Variants in PPFIA1 observed in about 807,000 individuals in gnomAD.
The protein encoded by PPFIA1 is PPFI scaffold protein A1.
PPFIA1 carries 25 observed loss-of-function variants against 149.9 expected under a neutral mutation model. The ratio of observed to expected loss-of-function variants is 0.17; its 90% confidence interval spans 0.12 to 0.23. PPFIA1 has a LOEUF of 0.23. PPFIA1 is among the 10% of genes least tolerant of loss of function. The pLI is 1.00. For missense variants in PPFIA1, 1,362 were observed against 1,506.5 expected (o/e 0.90, Z 1.59); for synonymous variants, 549 against 552.8 (o/e 0.99, Z 0.10).
At chr11:70,338,672 T>G (rs1169843311) in intron 13 of PPFIA1, among the ~76,000 whole-genome samples, 3 of 152,330 alleles carry the variant, frequency 2.0e-5, no homozygotes, top group Admixed American at 2.0e-4. Context: ...TTTTGATCAG[T>G]TAATATTTGG....
chr11:70,292,677 C>T lies in PPFIA1; in HGVS notation c.264+20241C>T, dbSNP rs142738383. Among the ~76,000 whole-genome samples, 325 of 152,190 alleles carry T rather than the reference C, an allele frequency of 2.1e-3. 4 individuals are homozygous for T. The highest frequency in any genetic ancestry group is 7.6e-3 in the African/African-American group (315 of 41,536). ...TAAGCCTCTTTATAGGAATGAGCCCCCACTGAAGCCTCGTGACAGTGCTAT... is the reference window on the plus strand; with the variant it reads ...TAAGCCTCTTTATAGGAATGAGCCCTCACTGAAGCCTCGTGACAGTGCTAT... On this transcript the variant is annotated intron_variant, in intron 2 of 27. Coordinates refer to ENST00000253925, the MANE Select transcript of PPFIA1 (RefSeq NM_003626.5).
At chr11:70,274,353 C>G (rs1167239249) in intron 2 of PPFIA1, among the ~76,000 whole-genome samples, 1 of 152,114 alleles carries the variant, frequency 6.6e-6, no homozygotes, top group East Asian at 1.9e-4. Flanking sequence ...ACAAAGTTAA[C>G]ACACTTGCAT....
intron 8 of PPFIA1, 90 bp from the exon 9 acceptor site, chr11:70,331,870 C>G: frequency 7.1e-7 from 1 of 1,399,912 alleles, no homozygotes; most frequent in South Asian, 1.4e-5. Context: ...CTCTCTTAGT[C>G]TGTATCTGCA....
At chr11:70,283,876 G>C (rs2050927909) in intron 2 of PPFIA1, 1 of 466,940 alleles carries the variant, frequency 2.1e-6, no homozygotes, top group African/African-American at 2.0e-5. Context: ...TAAACATTCT[G>C]CAGTGGAGCC....
chr11:70,287,678 C>CT (rs2051239090), intron 2 of PPFIA1, among the ~76,000 whole-genome samples: 2 of 151,328 alleles, frequency 1.3e-5, no homozygotes, highest in Admixed American at 6.6e-5. Context: ...GGGTTTCACT[C>CT]TGTTTCCTAG....
intron 2 of PPFIA1, among the ~76,000 whole-genome samples, chr11:70,295,736 C>A (rs2051929282): frequency 6.7e-6 from 1 of 149,956 alleles, no homozygotes; most frequent in African/African-American, 2.5e-5. Flanking sequence ...GGGCAGGGGG[C>A]TGACCCCCCC....
intron 2 of PPFIA1, among the ~76,000 whole-genome samples, chr11:70,276,912 G>T (rs1448394501): frequency 6.7e-6 from 1 of 149,284 alleles, no homozygotes; most frequent in African/African-American, 2.5e-5. Flanking sequence ...CTTGTTGGGG[G>T]TTTGTCAATT....
chr11:70,281,157 C>T lies in PPFIA1; in HGVS notation c.264+8721C>T, dbSNP rs142169360. On this transcript the variant is annotated intron_variant, in intron 2 of 27. Coordinates refer to ENST00000253925, the MANE Select transcript of PPFIA1 (RefSeq NM_003626.5). ...TTTCTCTAGGTTCATTTGTTGATAACGCCCATTTTTGTTTTTTTAATTGAG... is the reference window on the plus strand; with the variant it reads ...TTTCTCTAGGTTCATTTGTTGATAATGCCCATTTTTGTTTTTTTAATTGAG... Among the ~76,000 whole-genome samples the T allele has an allele frequency of 3.9e-5, 6 of 152,118 alleles. No individual in the cohort carries two copies. In the East Asian group the frequency reaches 9.6e-4, roughly 24 times the overall value.
At chr11:70,291,458 C>A (rs1472587211) in intron 2 of PPFIA1, among the ~76,000 whole-genome samples, 2 of 152,158 alleles carry the variant, frequency 1.3e-5, no homozygotes, top group African/African-American at 4.8e-5. Flanking sequence ...TAAAGAAATT[C>A]CAAGTAAAAT....
Position 70,300,249 on chromosome 11 carries a change from A to G in PPFIA1, c.265-24153A>G, listed in dbSNP as rs368329225. On this transcript the variant is annotated intron_variant, in intron 2 of 27. Transcript: ENST00000253925. Reference sequence around the variant, plus strand: ...CCCTCAAAGCCAAAGTCAAGCCTGCATGGTTTCTTCTCACTCCTCATAGGT... The same window carrying G: ...CCCTCAAAGCCAAAGTCAAGCCTGCGTGGTTTCTTCTCACTCCTCATAGGT... 1.2e-4 allele frequency among the ~76,000 whole-genome samples: 18 copies of G among 152,250 alleles called. No individual in the cohort carries two copies. The East Asian group carries it at 1.9e-3, about 16-fold the overall frequency.
At chr11:70,318,833 G>A (rs760558736) in intron 2 of PPFIA1, among the ~76,000 whole-genome samples, 3 of 152,232 alleles carry the variant, frequency 2.0e-5, no homozygotes, top group African/African-American at 7.2e-5. Flanking sequence ...CAAAGATCTT[G>A]AAGGGTTTCC....
chr11:70,351,808 C>T (rs545776560), intron 16 of PPFIA1, among the ~76,000 whole-genome samples: 4 of 152,322 alleles, frequency 2.6e-5, no homozygotes, highest in African/African-American at 9.6e-5. Context: ...CAAAACCTGA[C>T]AGTTGACCAC....
intron 21 of PPFIA1, among the ~76,000 whole-genome samples, chr11:70,370,793 T>G (rs958510435): frequency 1.3e-5 from 2 of 152,198 alleles, no homozygotes; most frequent in African/African-American, 4.8e-5. Flanking sequence ...TTTTAACTGT[T>G]TCCCACAATT....
Position 70,324,559 on chromosome 11 carries a change from G to A in PPFIA1, c.366+56G>A. On this transcript the variant is annotated intron_variant, in intron 3 of 27. Transcript: ENST00000253925. ...CCCTGGAGCCACTGTCAGGAGGAGG[G>A]GCGGTGTGTCAAAACGAAAGGACGA... The A allele has an allele frequency of 2.1e-6, 3 of 1,425,320 alleles. No individual in the cohort carries two copies. In the South Asian group the frequency reaches 3.6e-5, roughly 17 times the overall value. 88.3% of individuals were successfully genotyped at this position (1,425,320 alleles called of 1,614,324 possible).
At chr11:70,362,264 C>T (rs1256567199) in intron 20 of PPFIA1, 24 bp from the exon 21 acceptor site, 2 of 1,613,752 alleles carry the variant, frequency 1.2e-6, no homozygotes, top group Non-Finnish European at 1.7e-6. Flanking sequence ...ACTGTGCTGC[C>T]TTCCTTCCGC....
chr11:70,304,350 T>G (rs1371226298), intron 2 of PPFIA1, among the ~76,000 whole-genome samples: 1 of 151,888 alleles, frequency 6.6e-6, no homozygotes, highest in Non-Finnish European at 1.5e-5. Flanking sequence ...AAAAAAAAAT[T>G]AGAGATGGGA....
intron 2 of PPFIA1, among the ~76,000 whole-genome samples, chr11:70,278,125 G>A (rs2050526807): frequency 1.3e-5 from 2 of 151,854 alleles, no homozygotes; most frequent in African/African-American, 4.8e-5. Flanking sequence ...TGGCCAGGAT[G>A]GTCTCTATCT....
intron 6 of PPFIA1, 80 bp from the exon 7 acceptor site, chr11:70,326,517 T>A: frequency 7.4e-7 from 1 of 1,353,636 alleles, no homozygotes; most frequent in Non-Finnish European, 1.0e-6. Context: ...CAGTTTTGAT[T>A]TTAGCTATTT....
intron 2 of PPFIA1, among the ~76,000 whole-genome samples, chr11:70,296,444 CCGAGGCTGG>C (rs1307565442): frequency 6.6e-6 from 1 of 152,194 alleles, no homozygotes; most frequent in Non-Finnish European, 1.5e-5. Context: ...CCTCTGGAGG[CCGAGGCTGG>C]CGGACCACTC....
Sources: gnomAD v4.1 joint callset for allele counts (sites outside exome capture counted in the v4.1 genomes callset) on GRCh38, gnomAD v4.1.1 for gene constraint, MANE v1.5 for transcripts, NCBI Gene and HGNC (gene_info 2026-07-23, HGNC 2026-07-21) for gene names.